Variants in TRIP11 observed in about 807,000 individuals in gnomAD.
The protein encoded by TRIP11 is thyroid receptor-interacting protein 11.
A neutral mutation model predicts 223.1 loss-of-function variants in TRIP11; 148 were observed. The observed-to-expected ratio is 0.66, with a 90% CI of 0.58 to 0.76. The LOEUF is 0.76. Among genes scored for constraint, TRIP11 ranks in the 30% least tolerant of loss-of-function variants. The pLI is 0.00. For synonymous variants in TRIP11, 762 were observed against 772.6 expected, an observed-to-expected ratio of 0.99 and a Z score of 0.23; for missense variants, 2,043 against 2,222.0, an observed-to-expected ratio of 0.92 and a Z score of 1.62.
chr14:91,973,885 C>T (rs980910509), intron 19 of TRIP11, among the ~76,000 whole-genome samples: 6 of 151,976 alleles, frequency 3.9e-5, no homozygotes, highest in Non-Finnish European at 8.8e-5. Context: ...ACTAGCTGGG[C>T]GTGGTGGTGG....
chr14:91,999,888 T>G (rs2056799721), intron 12 of TRIP11, 80 bp downstream of exon 12: 7 of 1,576,914 alleles, frequency 4.4e-6, no homozygotes, highest in African/African-American at 1.4e-5. Context: ...AAATTCATTT[T>G]CACTGATCAC....
intron 4 of TRIP11, among the ~76,000 whole-genome samples, chr14:92,020,042 G>A (rs2057090596): frequency 1.3e-5 from 2 of 152,082 alleles, no homozygotes; most frequent in African/African-American, 4.8e-5. Context: ...GAGGTCAAGA[G>A]TTTGAGACCA....
intron 16 of TRIP11, among the ~76,000 whole-genome samples, chr14:91,985,468 T>C (rs2056594361): frequency 6.6e-6 from 1 of 152,232 alleles, no homozygotes; most frequent in Admixed American, 6.5e-5. Context: ...ATATTGGCAT[T>C]ATTTGCAACA....
At position 92,007,756 on chromosome 14, in the gene TRIP11, C is replaced by A; in HGVS notation, c.1411G>T (p.Asp471Tyr). The change falls in exon 10 of 21, where the codon GAC becomes TAC. Residue 471 changes from aspartate (D) to tyrosine (Y), a missense_variant. Transcript: ENST00000267622. ...RDISLDSELH[D>Y]LRLNLEAKEQ... ...TTTGCCTCCAAATTAAGTCTTAAGT[C>A]ATGTAATTCTGAATCCAAACTTATG... The A allele has an allele frequency of 6.2e-7, 1 of 1,613,606 alleles. No homozygotes were observed. Among genetic ancestry groups the A allele is most frequent in the South Asian group, 1.1e-5 (1 of 91,060 alleles).
At chr14:92,027,289 TC>T (rs1195593330) in intron 2 of TRIP11, among the ~76,000 whole-genome samples, 1 of 151,350 alleles carries the variant, frequency 6.6e-6, no homozygotes, top group East Asian at 1.9e-4. Context: ...CATTATAATC[TC>T]AAAGCAGAAA....
intron 20 of TRIP11, 91 bp from the exon 21 acceptor site, chr14:91,969,984 G>T: frequency 8.1e-7 from 1 of 1,233,894 alleles, no homozygotes. Flanking sequence ...AGTTATCTGT[G>T]TAATATTGTT....
chr14:91,990,745 G>A (rs745306080), intron 15 of TRIP11, among the ~76,000 whole-genome samples: 1 of 152,176 alleles, frequency 6.6e-6, no homozygotes, highest in Non-Finnish European at 1.5e-5. Flanking sequence ...GTGAGGTCAA[G>A]ACAGGAGGAC....
At position 92,033,003 on chromosome 14, in the gene TRIP11, C is replaced by T. The variant is rs574989069; in HGVS notation, c.201+189G>A. Among the ~76,000 whole-genome samples, 938 of 151,990 alleles carry T rather than the reference C, an allele frequency of 6.2e-3. 8 individuals carry two copies. Among genetic ancestry groups the T allele is most frequent in the Admixed American group, 9.8e-3 (149 of 15,268 alleles). ...GATGGGAATATTAAAGAATAGCAAA[C>T]TGCAGTAACAGGTAAATATATTTTT... On this transcript the variant is annotated intron_variant, in intron 2 of 20. Transcript: ENST00000267622.
Position 92,003,442 on chromosome 14 carries a change from G to A in TRIP11, c.4534C>T (p.Gln1512Ter), listed in dbSNP as rs780625551. The A allele has an allele frequency of 1.2e-6, 2 of 1,613,642 alleles. No individual in the cohort carries two copies. The highest frequency in any genetic ancestry group is 1.7e-6 in the Non-Finnish European group (2 of 1,180,016). Residue 1512 changes from glutamine (Q) to a stop codon, truncating the protein, a stop_gained, in exon 11 of 21, where the codon CAG becomes TAG. Transcript: ENST00000267622. LOFTEE classifies it high-confidence loss of function. ...ACCTGTTCTTTCTCTTTCAATAGCT[G>A]TTCAAAAGCAAGAGCCTTCTCCTTC... is the stretch of plus-strand genomic sequence containing the variant. ...SMKEKALAFE[Q>*]LLKEKEQGKT...
chr14:92,021,619 G>A lies in TRIP11; in HGVS notation c.525C>T (p.Asn175=), dbSNP rs769701138. ...GTCTTGAAACTTCATTTGAGAGTCG[G>A]TTTATTTCTTGTTGGGATGAAATTA... The part of the protein sequence containing the change: ...GDIISSQQEI[N]RLSNEVSRLE... The change falls in exon 4 of 21, where the codon AAC becomes AAT. Residue 175 remains asparagine, a synonymous_variant. Transcript: ENST00000267622. The A allele has an allele frequency of 1.7e-5, 27 of 1,614,042 alleles. No homozygotes were observed. Among genetic ancestry groups the A allele is most frequent in the Non-Finnish European group, 2.3e-5 (27 of 1,180,034 alleles).
rs567556191 is a variant in TRIP11 at position 91,967,865 on chromosome 14, C to T, written c.*1808G>A. The T allele has an allele frequency of 5.0e-6, 1 of 199,386 alleles. No individual in the cohort carries two copies. Among genetic ancestry groups the T allele is most frequent in the Non-Finnish European group, 1.0e-5 (1 of 96,676 alleles). 12.4% of individuals were successfully genotyped at this position (199,386 alleles called of 1,614,324 possible). On this transcript the variant is annotated 3_prime_UTR_variant, in exon 21 of 21. Transcript: ENST00000267622. ...GCATATAAAAACCAAGGAGTAACAA[C>T]TCACAGAGAAATAATAATAGGCAAA...
chr14:91,967,900 G>A lies in TRIP11; in HGVS notation c.*1773C>T, dbSNP rs1406803747. ...AATAATAATAGGCAAAAACCAAGAG[G>A]CAGTTTGACAGTTCTAATATAGAAC... is the stretch of plus-strand genomic sequence containing the variant. On this transcript the variant is annotated 3_prime_UTR_variant, in exon 21 of 21. Transcript: ENST00000267622. 1 of 200,766 alleles carries A rather than the reference G, an allele frequency of 5.0e-6. No individual in the cohort carries two copies. Among genetic ancestry groups the A allele is most frequent in the East Asian group, 7.8e-5 (1 of 12,874 alleles). The allele number at this position is 200,766 out of a possible 1,614,324, so 12.4% of individuals were successfully genotyped here. A position where few individuals can be genotyped will look rare whatever the true frequency, so the allele number is the denominator to read the frequency against.
Position 91,969,399 on chromosome 14 carries a change from C to G in TRIP11, c.*274G>C. 3 of 443,422 alleles carry G rather than the reference C, an allele frequency of 6.8e-6. No homozygotes were observed. The highest frequency in any genetic ancestry group is 1.2e-5 in the Non-Finnish European group (3 of 244,282). 27.5% of individuals were successfully genotyped at this position (443,422 alleles called of 1,614,324 possible). A position where few individuals can be genotyped will look rare whatever the true frequency, so the allele number is the denominator to read the frequency against. ...TATAGCTACTAGTATTTTTGTCTGT[C>G]TGTATTTTTGTAAATTAAGGTAAAA... On this transcript the variant is annotated 3_prime_UTR_variant, in exon 21 of 21. Transcript: ENST00000267622.
intron 15 of TRIP11, among the ~76,000 whole-genome samples, chr14:91,990,190 A>T (rs1322586279): frequency 1.3e-5 from 2 of 152,196 alleles, no homozygotes; most frequent in Non-Finnish European, 2.9e-5. Flanking sequence ...AATGAAATTG[A>T]AAATTTTAAA....
At chr14:92,029,467 TG>T (rs1181139883) in intron 2 of TRIP11, among the ~76,000 whole-genome samples, 2 of 151,916 alleles carry the variant, frequency 1.3e-5, no homozygotes, top group African/African-American at 4.8e-5. Flanking sequence ...GGCTAATTTT[TG>T]TATTTTTTGT....
At chr14:91,981,107 C>T (rs1336442975) in intron 16 of TRIP11, among the ~76,000 whole-genome samples, 2 of 146,424 alleles carry the variant, frequency 1.4e-5, no homozygotes, top group Non-Finnish European at 3.0e-5. Context: ...CCTCCACCTC[C>T]CAGGTTCAAG....
chr14:92,036,887 G>A (rs551315672), intron 1 of TRIP11, among the ~76,000 whole-genome samples: 1 of 152,154 alleles, frequency 6.6e-6, no homozygotes, highest in Admixed American at 6.5e-5. Flanking sequence ...GGCACATGCA[G>A]CCATGCCCAG....
intron 15 of TRIP11, among the ~76,000 whole-genome samples, chr14:91,991,584 CCTATAACT>C (rs1444693989): frequency 6.6e-6 from 1 of 152,022 alleles, no homozygotes; most frequent in Non-Finnish European, 1.5e-5. Context: ...CCATATATGT[CCTATAACT>C]CAGCAATTCC....
In TRIP11 at chr14:91,969,950, A is replaced by G. The variant is rs1566840936; in HGVS notation, c.5720-57T>C. The G allele has an allele frequency of 9.5e-6, 14 of 1,474,958 alleles. No individual in the cohort carries two copies. The South Asian group carries it at 1.5e-4, about 16-fold the overall frequency. The allele number at this position is 1,474,958 out of a possible 1,614,324, so 91.4% of individuals were successfully genotyped here. On this transcript the variant is annotated intron_variant, in intron 20 of 20. Transcript: ENST00000267622. ...TCTTTCACAAAGAAGTCAAAATGAAATAACTCTGAATGTAATAGCATAAAG... is the reference window on the plus strand; with the variant it reads ...TCTTTCACAAAGAAGTCAAAATGAAGTAACTCTGAATGTAATAGCATAAAG...
Sources: gnomAD v4.1 joint callset for allele counts (sites outside exome capture counted in the v4.1 genomes callset) on GRCh38, gnomAD v4.1.1 for gene constraint, MANE v1.5 for transcripts, NCBI Gene and HGNC (gene_info 2026-07-23, HGNC 2026-07-21) for gene names.